The following CDKAL1 variants were observed in gnomAD, a reference collection of about 807,000 sequenced individuals.
The protein encoded by CDKAL1 is CDKAL1 threonylcarbamoyladenosine tRNA methylthiotransferase, also known as threonylcarbamoyladenosine tRNA methylthiotransferase.
Under a neutral mutation model 68.2 loss-of-function variants are expected in CDKAL1, and 32 were observed. That is an observed-to-expected ratio of 0.47 (90% CI 0.35 to 0.63). The LOEUF (loss-of-function observed/expected upper bound fraction) is 0.63, where lower values mean the gene tolerates loss of function less well. Ranked by LOEUF, CDKAL1 falls within the 30% of genes least tolerant of loss-of-function variation. CDKAL1 has a pLI of 0.00. For missense variants in CDKAL1, 606 were observed against 696.7 expected (o/e 0.87, Z 1.47); for synonymous variants, 234 against 244.3 (o/e 0.96, Z 0.39).
intron 15 of CDKAL1, among the ~76,000 whole-genome samples, chr6:21,227,559 C>T (rs544204596): frequency 3.9e-5 from 6 of 152,264 alleles, no homozygotes; most frequent in Non-Finnish European, 8.8e-5. Context: ...TCCTGCTCCG[C>T]GGTCACGCTC....
chr6:20,684,716 G>T lies in CDKAL1; in HGVS notation c.371+35339G>T, dbSNP rs1234171504. 2.0e-5 allele frequency among the ~76,000 whole-genome samples: 3 copies of T among 152,184 alleles called. No individual in the cohort carries two copies. The East Asian group carries it at 5.8e-4, about 29-fold the overall frequency. ...AGTGTTCTGGATTTGGCCATTGTAA[G>T]AGGTTCGTAGTGGTATCTCATTGCT... is the stretch of plus-strand genomic sequence containing the variant. On this transcript the variant is annotated intron_variant, in intron 5 of 15. Transcript: ENST00000274695.
At chr6:20,575,984 C>T (rs568220709) in intron 4 of CDKAL1, among the ~76,000 whole-genome samples, 11 of 152,174 alleles carry the variant, frequency 7.2e-5, no homozygotes, top group African/African-American at 1.7e-4. Context: ...CATAACTATA[C>T]GATCACAAGG....
At chr6:20,812,364 C>T (rs546498485) in intron 8 of CDKAL1, among the ~76,000 whole-genome samples, 4 of 152,294 alleles carry the variant, frequency 2.6e-5, no homozygotes, top group Non-Finnish European at 4.4e-5. Flanking sequence ...CTAGTGGAGG[C>T]TCCTTCAAGT....
At chr6:21,162,599 C>A (rs1776971861) in intron 13 of CDKAL1, among the ~76,000 whole-genome samples, 1 of 152,204 alleles carries the variant, frequency 6.6e-6, no homozygotes, top group African/African-American at 2.4e-5. Context: ...TATGTAACTT[C>A]CTTGATGCTT....
chr6:20,674,771 A>T (rs978094734), intron 5 of CDKAL1, among the ~76,000 whole-genome samples: 1 of 152,068 alleles, frequency 6.6e-6, no homozygotes, highest in African/African-American at 2.4e-5. Flanking sequence ...CTCTTCTTCC[A>T]TTAGATCAAC....
In CDKAL1 at chr6:20,570,173, G is replaced by A. The variant is rs148339371; in HGVS notation, c.286+21468G>A. On this transcript the variant is annotated intron_variant, in intron 4 of 15. Transcript: ENST00000274695. ...GGGTGGAGTGCAGTGGCATGATCTC[G>A]GTTCACTGCAACCTCTGCCTCTTGG... Among the ~76,000 whole-genome samples the A allele has an allele frequency of 4.2e-3, 641 of 151,532 alleles. 7 individuals carry two copies. The highest frequency in any genetic ancestry group is 0.015 in the African/African-American group (603 of 41,304).
At chr6:20,657,696 G>T (rs551432991) in intron 5 of CDKAL1, among the ~76,000 whole-genome samples, 2 of 152,090 alleles carry the variant, frequency 1.3e-5, no homozygotes, top group East Asian at 3.9e-4. Context: ...TTATTTTGTC[G>T]TTTGTTTTGG....
chr6:21,195,503 T>C, intron 13 of CDKAL1, among the ~76,000 whole-genome samples: 1 of 145,868 alleles, frequency 6.9e-6, no homozygotes, highest in South Asian at 2.2e-4. Context: ...ATTTATTTAT[T>C]TATTTATTTA....
intron 8 of CDKAL1, among the ~76,000 whole-genome samples, chr6:20,834,242 G>A (rs916318115): frequency 3.9e-5 from 6 of 152,130 alleles, no homozygotes; most frequent in Non-Finnish European, 8.8e-5. Flanking sequence ...TAAACTTCAG[G>A]ACCTTAATTG....
intron 4 of CDKAL1, among the ~76,000 whole-genome samples, chr6:20,598,194 G>C (rs544354210): frequency 6.6e-6 from 1 of 152,332 alleles, no homozygotes; most frequent in African/African-American, 2.4e-5. Flanking sequence ...AAGAGTTCCA[G>C]AAGTACTGTA....
chr6:20,851,921 G>T (rs1164483380), intron 9 of CDKAL1, among the ~76,000 whole-genome samples: 1 of 151,976 alleles, frequency 6.6e-6, no homozygotes, highest in African/African-American at 2.4e-5. Flanking sequence ...CTGTAATGAT[G>T]ATTAGTATAC....
intron 11 of CDKAL1, among the ~76,000 whole-genome samples, chr6:21,044,121 G>T (rs1770088314): frequency 6.6e-6 from 1 of 152,088 alleles, no homozygotes; most frequent in Non-Finnish European, 1.5e-5. Context: ...CTCTGTAGTT[G>T]TTCCTTTCAT....
At chr6:20,932,455 T>C (rs1335842278) in intron 9 of CDKAL1, among the ~76,000 whole-genome samples, 3 of 152,170 alleles carry the variant, frequency 2.0e-5, no homozygotes, top group Non-Finnish European at 4.4e-5. Context: ...GACCCATTTT[T>C]CCTATCGATT....
chr6:20,947,610 AAAAG>A (rs1449732184), intron 9 of CDKAL1, among the ~76,000 whole-genome samples: 1 of 152,144 alleles, frequency 6.6e-6, no homozygotes, highest in Non-Finnish European at 1.5e-5. Flanking sequence ...ACAAAACAAA[AAAAG>A]AAAGAAAAGA....
At chr6:20,972,331 C>G (rs111272860) in intron 10 of CDKAL1, among the ~76,000 whole-genome samples, 1 of 152,162 alleles carries the variant, frequency 6.6e-6, no homozygotes, top group African/African-American at 2.4e-5. Context: ...TCAGACACAG[C>G]CCACTGGCAG....
chr6:20,993,532 A>G (rs901318201), intron 10 of CDKAL1: 1 of 152,222 alleles, frequency 6.6e-6, no homozygotes, highest in Non-Finnish European at 1.5e-5. Context: ...TGCTAGTGTC[A>G]TTCCAATTTT....
intron 4 of CDKAL1, among the ~76,000 whole-genome samples, chr6:20,628,867 G>GT (rs1767548254): frequency 6.7e-6 from 1 of 148,940 alleles, no homozygotes; most frequent in African/African-American, 2.5e-5. Flanking sequence ...TTTTTTTTTT[G>GT]TTTTTTGCCT....
chr6:20,600,024 A>G (rs1766014208), intron 4 of CDKAL1, among the ~76,000 whole-genome samples: 1 of 152,102 alleles, frequency 6.6e-6, no homozygotes, highest in Admixed American at 6.6e-5. Flanking sequence ...AATCCTCCCT[A>G]TGTGAATATC....
At chr6:20,974,593 T>C (rs558714769) in intron 10 of CDKAL1, among the ~76,000 whole-genome samples, 22 of 152,282 alleles carry the variant, frequency 1.4e-4, no homozygotes, top group Admixed American at 1.3e-3. Context: ...AACATTGATA[T>C]CGTAAGGTTT....
Sources: gnomAD v4.1 joint callset for allele counts (sites outside exome capture counted in the v4.1 genomes callset) on GRCh38, gnomAD v4.1.1 for gene constraint, MANE v1.5 for transcripts, NCBI Gene and HGNC (gene_info 2026-07-23, HGNC 2026-07-21) for gene names.